The following OR4Q3 variants were observed in gnomAD, a reference collection of about 807,000 sequenced individuals.
OR4Q3 encodes olfactory receptor 4Q3.
Under a neutral mutation model 18.8 loss-of-function variants are expected in OR4Q3, and 17 were observed. The ratio of observed to expected loss-of-function variants is 0.91; its 90% CI spans 0.62 to 1.36. The LOEUF (loss-of-function observed/expected upper bound fraction) is 1.36, where lower values mean the gene tolerates loss of function less well. OR4Q3 is among the 40% of genes most tolerant of loss of function. The probability of loss-of-function intolerance (pLI) is 0.00; values close to 1 mark genes in which losing one functional copy is unlikely to be tolerated. For missense variants in OR4Q3, 378 were observed against 373.4 expected (o/e 1.01, Z -0.10); for synonymous variants, 158 against 145.8 (o/e 1.08, Z -0.60).
At chr14:19,745,737 C>CA in intron 1 of OR4Q3, among the ~76,000 whole-genome samples, 1 of 152,116 alleles carries the variant, frequency 6.6e-6, no homozygotes, top group Non-Finnish European at 1.5e-5. Flanking sequence ...TTGGTGCATC[C>CA]AAAAAAGATT....
intron 1 of OR4Q3, among the ~76,000 whole-genome samples, chr14:19,744,973 T>C: frequency 6.6e-6 from 1 of 152,174 alleles, no homozygotes; most frequent in Non-Finnish European, 1.5e-5. Flanking sequence ...TTACTAAACC[T>C]AAAAGGGAGC....
At position 19,747,398 on chromosome 14, in the gene OR4Q3, T is replaced by C; in HGVS notation, c.3-8T>C. 3.5e-6 allele frequency: 5 copies of C among 1,443,382 alleles called. No homozygotes were observed. The highest frequency in any genetic ancestry group is 1.9e-5 in the Admixed American group (1 of 52,722). The allele number at this position is 1,443,382 out of a possible 1,614,324, so 89.4% of individuals were successfully genotyped here. A position where few individuals can be genotyped will look rare whatever the true frequency, so the allele number is the denominator to read the frequency against. On this transcript the variant is annotated splice_region_variant and splice_polypyrimidine_tract_variant and intron_variant, in intron 1 of 1. Coordinates refer to ENST00000642117, the Ensembl canonical transcript of OR4Q3. ...AATCTCCCTTGTTCTGATTTAATTC[T>C]TCTTTAGGTCACTTGATATTCTTGG...
At chr14:19,745,565 A>G in intron 1 of OR4Q3, among the ~76,000 whole-genome samples, 2 of 152,304 alleles carry the variant, frequency 1.3e-5, no homozygotes, top group East Asian at 3.9e-4. Context: ...TTTAATTAAA[A>G]AAATAACTTT....
At chr14:19,751,478 C>G, downstream of OR4Q3, among the ~76,000 whole-genome samples, 1 of 150,098 alleles carries the variant, frequency 6.7e-6, no homozygotes, top group Non-Finnish European at 1.5e-5. Context: ...CTTTATATGT[C>G]TGGTAGAATT....
chr14:19,748,317 C>T, exon 2 of OR4Q3: 1 of 1,613,260 alleles, frequency 6.2e-7, no homozygotes, highest in African/African-American at 1.3e-5. Context: ...GATATGAAGA[C>T]AGCTATGAAG....
chr14:19,750,890 C>A, downstream of OR4Q3, among the ~76,000 whole-genome samples: 1 of 152,190 alleles, frequency 6.6e-6, no homozygotes, highest in Non-Finnish European at 1.5e-5. Flanking sequence ...CGATGAATAT[C>A]CTGAAGAGCA....
In OR4Q3 at chr14:19,747,796, G is replaced by C; in HGVS notation, c.393G>C (p.Arg131Ser). ...TGCTGACAGTCATGGCCTATGACAGGTATGTTGCCATCTGTAACCCTTTGC... is the reference window on the plus strand; with the variant it reads ...TGCTGACAGTCATGGCCTATGACAGCTATGTTGCCATCTGTAACCCTTTGC... The change falls in exon 2 of 2, where the codon AGG (arginine) becomes AGC (serine). Residue 131 changes from arginine to serine, a missense_variant. By Grantham distance (110) the Arg-to-Ser change is moderately radical. Transcript: ENST00000642117. 3.5e-5 allele frequency: 57 copies of C among 1,614,028 alleles called. No homozygotes were observed. In the African/African-American group the frequency reaches 6.0e-4, roughly 17 times the overall value.
chr14:19,744,336 G>T (rs1030548891), intron 1 of OR4Q3, among the ~76,000 whole-genome samples: 7 of 152,134 alleles, frequency 4.6e-5, no homozygotes, highest in African/African-American at 1.4e-4. Flanking sequence ...AATGCATTTA[G>T]CTCCACACAG....
chr14:19,747,006 A>G, intron 1 of OR4Q3, among the ~76,000 whole-genome samples: 1 of 152,250 alleles, frequency 6.6e-6, no homozygotes, highest in African/African-American at 2.4e-5. Flanking sequence ...AAGGAATAAA[A>G]TTCAGAGAGG....
downstream of OR4Q3, among the ~76,000 whole-genome samples, chr14:19,749,906 CTTTT>C: frequency 5.9e-4 from 5 of 8,490 alleles, no homozygotes; most frequent in African/African-American, 1.0e-3. Flanking sequence ...TTCTTTCTTT[CTTTT>C]TTCTTTCTTT....
chr14:19,749,957 TTCTC>T, downstream of OR4Q3, among the ~76,000 whole-genome samples: 2 of 149,140 alleles, frequency 1.3e-5, no homozygotes, highest in African/African-American at 4.9e-5. Flanking sequence ...CTCTTTTTCT[TTCTC>T]TCTCTTTCTC....
exon 2 of OR4Q3, chr14:19,747,734 T>G: frequency 6.2e-7 from 1 of 1,613,992 alleles, no homozygotes; most frequent in Non-Finnish European, 8.5e-7. Flanking sequence ...GGCCCAGATC[T>G]ACTTCCTCCA....
intron 1 of OR4Q3, among the ~76,000 whole-genome samples, chr14:19,744,192 G>A (rs1877377314): frequency 1.3e-5 from 2 of 152,258 alleles, no homozygotes; most frequent in South Asian, 2.1e-4. Flanking sequence ...TCAACTAATG[G>A]TGTGTCCACT....
chr14:19,745,062 C>A, intron 1 of OR4Q3, among the ~76,000 whole-genome samples: 3 of 152,134 alleles, frequency 2.0e-5, no homozygotes, highest in Admixed American at 6.5e-5. Flanking sequence ...CCAAGAATAA[C>A]CAGAATCCAG....
chr14:19,746,782 T>C, intron 1 of OR4Q3, among the ~76,000 whole-genome samples: 9 of 152,238 alleles, frequency 5.9e-5, no homozygotes, highest in African/African-American at 2.2e-4. Context: ...TTGTACAACA[T>C]AGCAATTTGT....
At chr14:19,747,499 G>A in exon 2 of OR4Q3, 1 of 1,613,656 alleles carries the variant, frequency 6.2e-7, no homozygotes, top group Non-Finnish European at 8.5e-7. Context: ...GGGAGCTGCA[G>A]CTATTTCTCT....
At chr14:19,750,832 C>T, downstream of OR4Q3, among the ~76,000 whole-genome samples, 1 of 152,238 alleles carries the variant, frequency 6.6e-6, no homozygotes, top group Middle Eastern at 3.2e-3. Context: ...ACATCATGTT[C>T]TTCTCTTTAG....
At chr14:19,748,564 C>T in exon 2 of OR4Q3, 6 of 545,310 alleles carry the variant, frequency 1.1e-5, no homozygotes, top group African/African-American at 1.9e-5. Flanking sequence ...GCCTTTTGAC[C>T]ATAATCAAGA....
At chr14:19,751,850 C>A, downstream of OR4Q3, among the ~76,000 whole-genome samples, 1 of 151,978 alleles carries the variant, frequency 6.6e-6, no homozygotes, top group Non-Finnish European at 1.5e-5. Context: ...TTTCATTGAC[C>A]TTTTGTATAG....
Sources: gnomAD v4.1 joint callset for allele counts (sites outside exome capture counted in the v4.1 genomes callset) on GRCh38, gnomAD v4.1.1 for gene constraint, MANE v1.5 for transcripts, NCBI Gene and HGNC (gene_info 2026-07-23, HGNC 2026-07-21) for gene names.